Variants in PIEZO1 observed in about 807,000 individuals in gnomAD.
PIEZO1 encodes piezo type mechanosensitive ion channel component 1 (Er blood group).
A neutral mutation model predicts 297.2 loss-of-function variants in PIEZO1; 296 were observed. The observed-to-expected ratio is 1.00, with a 90% confidence interval of 0.91 to 1.10. The LOEUF is 1.10. Ranked by LOEUF, PIEZO1 falls within the 50% of genes least tolerant of loss-of-function variation. The probability of loss-of-function intolerance (pLI) is 0.00; values close to 1 mark genes in which losing one functional copy is unlikely to be tolerated. For missense variants in PIEZO1, 5,018 were observed against 3,455.5 expected, an observed-to-expected ratio of 1.45 and a Z score of -11.34; for synonymous variants, 2,427 against 1,507.5, an observed-to-expected ratio of 1.61 and a Z score of -14.13.
rs12929515 is a variant in PIEZO1, at chr16:88,732,484, G to A, written c.2842C>T (p.Arg948Cys). 9.0e-5 allele frequency: 139 copies of A among 1,549,164 alleles called. No homozygotes were observed. The highest frequency in any genetic ancestry group is 3.4e-4 in the East Asian group (14 of 40,906). The change falls in exon 21 of 51, where the codon CGC becomes TGC. Residue 948 changes from arginine to cysteine, a missense_variant. Arg to Cys is a radical substitution (Grantham distance 180, BLOSUM62 -3). Transcript: ENST00000301015. Reference sequence around the variant, plus strand: ...TGCTGCCGGCGGTAGTGCTCCTGGCGCCGGTACACGATGGCCTCGAATACC... The same window carrying A: ...TGCTGCCGGCGGTAGTGCTCCTGGCACCGGTACACGATGGCCTCGAATACC... ...LLVFEAIVYR[R>C]QEHYRRQHQL...
intron 10 of PIEZO1, chr16:88,737,304 G>A (rs1052333113): frequency 2.2e-6 from 1 of 458,672 alleles, no homozygotes; most frequent in African/African-American, 2.1e-5. Flanking sequence ...CCCCCCATGG[G>A]GTCTTGGGGA....
intron 2 of PIEZO1, among the ~76,000 whole-genome samples, chr16:88,749,113 G>C (rs192802834): frequency 6.6e-6 from 1 of 151,110 alleles, no homozygotes; most frequent in Non-Finnish European, 1.5e-5. Flanking sequence ...GGTGGCGGGC[G>C]CCTGTAGTCC....
chr16:88,749,365 C>G lies in PIEZO1; in HGVS notation c.160+19G>C. The stretch of plus-strand genomic sequence containing the variant: ...CCCCCTCCCACCCTGAGAGCGTGGG[C>G]AGGGTCCCCTGGCCTTACCTTGGAG... On this transcript the variant is annotated intron_variant, in intron 2 of 50. Transcript: ENST00000301015. 1 of 1,453,602 alleles carries G rather than the reference C, an allele frequency of 6.9e-7. No homozygotes were observed. The allele number at this position is 1,453,602 out of a possible 1,614,324, so 90.0% of individuals were successfully genotyped here.
In PIEZO1 at chr16:88,723,311, C is replaced by T. The variant is rs1180858404; in HGVS notation, c.4353G>A (p.Trp1451Ter). 1.9e-6 allele frequency: 3 copies of T among 1,539,100 alleles called. No individual in the cohort carries two copies. Among genetic ancestry groups the T allele is most frequent in the Non-Finnish European group, 2.6e-6 (3 of 1,146,730 alleles). ...TCAGCACCGCCTGGGCGTTGGTCAC[C>T]CATGCCTGGTACGCCAGCTGTCGGC... is the stretch of plus-strand genomic sequence containing the variant. Reference protein sequence around the residue: ...QSAFQLAYQAWVTNAQAVLRR... With the variant: ...QSAFQLAYQA Residue 1451 changes from tryptophan to a stop codon, truncating the protein, a stop_gained, in exon 32 of 51, where the codon TGG becomes TGA. Coordinates refer to ENST00000301015, the MANE Select transcript of PIEZO1 (RefSeq NM_001142864.4). LOFTEE classifies it high-confidence loss of function.
chr16:88,731,995 T>A, intron 21 of PIEZO1, 85 bp from the exon 22 acceptor site: 1 of 7,118 alleles, frequency 1.4e-4, no homozygotes, highest in East Asian at 2.8e-3. Flanking sequence ...GCCTCAGGCT[T>A]GCAGCAGCCC....
intron 3 of PIEZO1, 100 bp downstream of exon 3, chr16:88,742,200 T>TC (rs1327205947): frequency 7.3e-6 from 11 of 1,500,524 alleles, no homozygotes; most frequent in Non-Finnish European, 9.8e-6. Flanking sequence ...CAGACATAAA[T>TC]CAGGCTGAGT....
rs940442937 is a variant in PIEZO1 at position 88,722,610 on chromosome 16, G to A, written c.4748C>T (p.Ala1583Val). ...AEATLPGPTE[A>V]PNAPSTVSSG... Reference sequence around the variant, plus strand: ...GGACACGGTGCTTGGGGCATTGGGGGCCTCGGTGGGGCCTGGCAGCGTGGC... The same window carrying A: ...GGACACGGTGCTTGGGGCATTGGGGACCTCGGTGGGGCCTGGCAGCGTGGC... Residue 1583 changes from alanine to valine, a missense_variant, in exon 35 of 51, where the codon GCC (alanine) becomes GTC (valine). By Grantham distance (64) the Ala-to-Val change is moderately conservative (BLOSUM62 0). Coordinates refer to ENST00000301015, the MANE Select transcript of PIEZO1 (RefSeq NM_001142864.4). 7.2e-5 allele frequency: 110 copies of A among 1,537,648 alleles called. No homozygotes were observed. The highest frequency in any genetic ancestry group is 9.3e-5 in the Non-Finnish European group (106 of 1,145,338).
intron 1 of PIEZO1, among the ~76,000 whole-genome samples, chr16:88,777,737 G>T (rs899842863): frequency 6.6e-6 from 1 of 152,242 alleles, no homozygotes; most frequent in African/African-American, 2.4e-5. Flanking sequence ...GACAGTGGGG[G>T]TCCCAGGCGA....
At chr16:88,724,082 GC>G in intron 30 of PIEZO1, 111 bp from the exon 31 acceptor site, 1 of 676,438 alleles carries the variant, frequency 1.5e-6, no homozygotes, top group Non-Finnish European at 2.6e-6. Context: ...ATGCGGAGTA[GC>G]CGGGAGCAGT....
chr16:88,735,867 C>T (rs1040833005), intron 12 of PIEZO1, among the ~76,000 whole-genome samples: 13 of 152,092 alleles, frequency 8.5e-5, no homozygotes, highest in Admixed American at 2.0e-4. Context: ...CACACAGTGT[C>T]GGGGCACAGG....
rs1906163514 is a variant in PIEZO1, at chr16:88,748,213, C to T, written c.160+1171G>A. Among the ~76,000 whole-genome samples, 3 of 152,360 alleles carry T rather than the reference C, an allele frequency of 2.0e-5. No individual in the cohort carries two copies. In the South Asian group the frequency reaches 6.2e-4, roughly 32 times the overall value. The stretch of plus-strand genomic sequence containing the variant: ...CCAAACCCAAAGACCAGCGGAGGGC[C>T]CGGCCCCACCCACGTTTGGCCCATG... On this transcript the variant is annotated intron_variant, in intron 2 of 50. Transcript: ENST00000301015.
Position 88,717,158 on chromosome 16 carries a change from C to T in PIEZO1, c.6525G>A (p.Met2175Ile). 6.4e-6 allele frequency: 10 copies of T among 1,551,100 alleles called. No homozygotes were observed. The highest frequency in any genetic ancestry group is 8.7e-6 in the Non-Finnish European group (10 of 1,147,166). The change falls in exon 45 of 51, where the codon ATG (methionine) becomes ATA (isoleucine). Residue 2175 changes from methionine to isoleucine, a missense_variant. Transcript: ENST00000301015. ...TGAGGAAGAGGATGATGAGGCCACCCATGCCGTACTTGACGATCTTCTTCT... is the reference window on the plus strand; with the variant it reads ...TGAGGAAGAGGATGATGAGGCCACCTATGCCGTACTTGACGATCTTCTTCT... ...QKKKKIVKYG[M>I]GGLIILFLIA...
chr16:88,764,876 G>A (rs1004672756), intron 1 of PIEZO1, among the ~76,000 whole-genome samples: 7 of 152,026 alleles, frequency 4.6e-5, no homozygotes, highest in East Asian at 1.9e-4. Context: ...AGACACTGGC[G>A]ACCACTCCAA....
At position 88,737,471 on chromosome 16, in the gene PIEZO1, CGA is replaced by C. The variant is rs1905299938; in HGVS notation, c.1195+86_1195+87del. ...CAGGCAGAGGTGCGGCGCGAGCATG[CGA>C]GAGCGCCAGGCGGCCACCAGGGGGC... On this transcript the variant is annotated intron_variant, in intron 10 of 50. Transcript: ENST00000301015. The C allele has an allele frequency of 6.7e-6, 6 of 894,686 alleles. No individual in the cohort carries two copies. The Admixed American group carries it at 1.5e-4, about 23-fold the overall frequency. The allele number at this position is 894,686 out of a possible 1,614,324, so 55.4% of individuals were successfully genotyped here. A position where few individuals can be genotyped will look rare whatever the true frequency, so the allele number is the denominator to read the frequency against.
chr16:88,730,077 G>A lies in PIEZO1; in HGVS notation c.3196+1629C>T, dbSNP rs373133925. Among the ~76,000 whole-genome samples, 95 of 152,394 alleles carry A rather than the reference G, an allele frequency of 6.2e-4. 1 individual carries two copies. The South Asian group carries it at 0.019, about 31-fold the overall frequency. On this transcript the variant is annotated intron_variant, in intron 22 of 50. Coordinates refer to ENST00000301015, the MANE Select transcript of PIEZO1 (RefSeq NM_001142864.4). ...CAAGGAAGAGGTGGACAGGAGACGG[G>A]GAGCTGGCCTCGGTGATGCTCGAAA...
At position 88,723,971 on chromosome 16, in the gene PIEZO1, A is replaced by T. The variant is rs1178977969; in HGVS notation, c.4235T>A (p.Val1412Asp). 6.5e-7 allele frequency: 1 copy of T among 1,533,362 alleles called. No individual in the cohort carries two copies. The allele number at this position is 1,533,362 out of a possible 1,614,324, so 95.0% of individuals were successfully genotyped here. ...CAGGAAGTAGTCCCCGGAGTGGATG[A>T]CTGTGGGCAGGCAGCACTGAGAGCC... ...WWRPWLDHAT[V>D]IHSGDYFLFE... Residue 1412 changes from valine (V) to aspartate (D), a missense_variant and splice_region_variant, in exon 31 of 51, where the codon GTC becomes GAC. Coordinates refer to ENST00000301015, the MANE Select transcript of PIEZO1 (RefSeq NM_001142864.4).
rs1478741696 is a variant in PIEZO1 at position 88,749,392 on chromosome 16, C to T, written c.152G>A (p.Gly51Asp). The T allele has an allele frequency of 6.6e-6, 10 of 1,506,432 alleles. No homozygotes were observed. In the East Asian group the frequency reaches 2.4e-4, roughly 36 times the overall value. 93.3% of individuals were successfully genotyped at this position (1,506,432 alleles called of 1,614,324 possible). ...GGGTCCCCTGGCCTTACCTTGGAGGCCGCATCGGGTGGGGCCGGGGAACCA... is the reference window on the plus strand; with the variant it reads ...GGGTCCCCTGGCCTTACCTTGGAGGTCGCATCGGGTGGGGCCGGGGAACCA... The part of the protein sequence containing the change: ...LPWFPGPTRC[G>D]LQGHTGRLLR... The change falls in exon 2 of 51, where the codon GGC becomes GAC. Residue 51 changes from glycine to aspartate, a missense_variant. By Grantham distance (94) the Gly-to-Asp change is moderately conservative. Coordinates refer to ENST00000301015, the MANE Select transcript of PIEZO1 (RefSeq NM_001142864.4).
chr16:88,749,624 G>T, intron 1 of PIEZO1, 145 bp from the exon 2 acceptor site: 2 of 618,822 alleles, frequency 3.2e-6, no homozygotes, highest in South Asian at 2.0e-5. Context: ...CGTGGAAGCC[G>T]CCTCGCGCTT....
intron 2 of PIEZO1, chr16:88,743,529 C>A (rs565392315): frequency 2.2e-6 from 1 of 456,474 alleles, no homozygotes. Context: ...TGAATGTCAC[C>A]ACCACATCTG....
Sources: gnomAD v4.1 joint callset for allele counts (sites outside exome capture counted in the v4.1 genomes callset) on GRCh38, gnomAD v4.1.1 for gene constraint, MANE v1.5 for transcripts, NCBI Gene and HGNC (gene_info 2026-07-23, HGNC 2026-07-21) for gene names.